Variants in SYNE2 observed in about 807,000 individuals in gnomAD.
SYNE2 encodes the protein nesprin-2.
Under a neutral mutation model 856.3 loss-of-function variants are expected in SYNE2, and 431 were observed. The observed-to-expected ratio is 0.50, with a 90% CI of 0.47 to 0.55. SYNE2 has a LOEUF of 0.55. SYNE2 is among the 20% of genes least tolerant of loss of function. The probability of loss-of-function intolerance (pLI) is 0.00; values close to 1 mark genes in which losing one functional copy is unlikely to be tolerated. For synonymous variants in SYNE2, 2,923 were observed against 2,872.3 expected (o/e 1.02, Z -0.56); for missense variants, 8,129 against 8,023.2 (o/e 1.01, Z -0.50).
intron 49 of SYNE2, among the ~76,000 whole-genome samples, chr14:64,059,160 C>T (rs1400899879): frequency 6.6e-6 from 1 of 152,062 alleles, no homozygotes; most frequent in Non-Finnish European, 1.5e-5. Flanking sequence ...GAAATTGGTT[C>T]CTGGTGACTT....
chr14:64,203,454 C>G (rs2140005311), intron 100 of SYNE2, among the ~76,000 whole-genome samples: 1 of 152,306 alleles, frequency 6.6e-6, no homozygotes, highest in Non-Finnish European at 1.5e-5. Flanking sequence ...ATGCTCTGTG[C>G]ATTTTTGTTA....
chr14:63,928,206 G>A (rs1016461636), intron 2 of SYNE2, among the ~76,000 whole-genome samples: 10 of 152,216 alleles, frequency 6.6e-5, no homozygotes, highest in African/African-American at 2.4e-4. Context: ...TCCAACCCAT[G>A]TGATGGGAAC....
At chr14:63,827,192 C>T (rs1461196264) in intron 1 of SYNE2, among the ~76,000 whole-genome samples, 1 of 150,906 alleles carries the variant, frequency 6.6e-6, no homozygotes, top group African/African-American at 2.4e-5. Context: ...ACAGGAGAAT[C>T]ACTTGAACCC....
chr14:63,844,748 T>C, intron 1 of SYNE2, among the ~76,000 whole-genome samples: 1 of 152,206 alleles, frequency 6.6e-6, no homozygotes, highest in East Asian at 1.9e-4. Context: ...GTTTTTCTTA[T>C]TTTAAAATGG....
intron 34 of SYNE2, among the ~76,000 whole-genome samples, chr14:64,018,386 G>A (rs942219814): frequency 6.6e-6 from 1 of 152,048 alleles, no homozygotes; most frequent in Non-Finnish European, 1.5e-5. Context: ...GATTACAGGC[G>A]CACACCACCA....
intron 1 of SYNE2, among the ~76,000 whole-genome samples, chr14:63,834,469 T>C (rs2139906107): frequency 1.3e-5 from 2 of 152,222 alleles, no homozygotes; most frequent in Admixed American, 1.3e-4. Flanking sequence ...ACTCTGATAA[T>C]AACAACACAA....
chr14:63,923,495 C>A (rs933748330), intron 2 of SYNE2, among the ~76,000 whole-genome samples: 1 of 152,196 alleles, frequency 6.6e-6, no homozygotes, highest in African/African-American at 2.4e-5. Context: ...CCTTCCCTAG[C>A]CATTTAATCA....
chr14:64,055,136 A>G (rs2097258573), intron 48 of SYNE2, among the ~76,000 whole-genome samples: 1 of 152,342 alleles, frequency 6.6e-6, no homozygotes, highest in South Asian at 2.1e-4. Flanking sequence ...TACCTAAACT[A>G]AAGTTAGTGC....
Position 64,190,167 on chromosome 14 carries a change from G to A in SYNE2, c.17968G>A (p.Ala5990Thr). The change falls in exon 99 of 116, where the codon GCT becomes ACT. Residue 5990 changes from alanine (A) to threonine (T), a missense_variant. Physicochemically the swap from Ala to Thr is moderately conservative, Grantham distance 58 (BLOSUM62 0). Around this residue, in one of 3 missense-constraint regions of SYNE2, gnomAD observed 5,410 missense variants for 5,284.8 expected, o/e 1.02. Transcript: ENST00000555002. ...CAAGGCCAGCAACAAATCAAGAGCAGCTGAGATCGATGACAAGCTCAACAA... is the reference window on the plus strand; with the variant it reads ...CAAGGCCAGCAACAAATCAAGAGCAACTGAGATCGATGACAAGCTCAACAA... ...LIKASNKSRA[A>T]EIDDKLNKIN... 6.2e-7 allele frequency: 1 copy of A among 1,614,160 alleles called. No homozygotes were observed. Among genetic ancestry groups the A allele is most frequent in the Non-Finnish European group, 8.5e-7 (1 of 1,180,032 alleles).
At chr14:64,167,757 C>A (rs1430908030) in intron 92 of SYNE2, 118 bp downstream of exon 92, 20 of 1,368,992 alleles carry the variant, frequency 1.5e-5, no homozygotes, top group Non-Finnish European at 1.8e-5. Context: ...AGAATGTATA[C>A]CTTTAAGCAA....
chr14:63,793,761 G>C (rs750195535), intron 1 of SYNE2, among the ~76,000 whole-genome samples: 10 of 148,102 alleles, frequency 6.8e-5, no homozygotes, highest in East Asian at 2.1e-4. Flanking sequence ...ACAAAATGAG[G>C]CCCCCCCCCA....
At chr14:63,939,347 CT>C (rs1056199146) in intron 2 of SYNE2, among the ~76,000 whole-genome samples, 3,465 of 115,144 alleles carry the variant, frequency 0.03, 89 homozygotes, top group African/African-American at 0.11. Flanking sequence ...TTTTTTTTTT[CT>C]TTTTTTTTTT....
intron 15 of SYNE2, 115 bp downstream of exon 15, chr14:63,980,847 G>A: frequency 9.2e-7 from 1 of 1,090,088 alleles, no homozygotes; most frequent in Non-Finnish European, 1.3e-6. Context: ...TGTTTTCCTG[G>A]GAAAATTCTT....
At chr14:64,109,145 T>G (rs181093541) in intron 65 of SYNE2, among the ~76,000 whole-genome samples, 44 of 152,084 alleles carry the variant, frequency 2.9e-4, no homozygotes, top group African/African-American at 9.9e-4. Context: ...TTTTGACATC[T>G]AATTAAAAAT....
chr14:63,977,009 A>G (rs2096548743), intron 12 of SYNE2, among the ~76,000 whole-genome samples: 1 of 150,072 alleles, frequency 6.7e-6, no homozygotes, highest in African/African-American at 2.4e-5. Flanking sequence ...AAGGGGTGGG[A>G]GGGTGGAGAA....
intron 2 of SYNE2, among the ~76,000 whole-genome samples, chr14:63,916,973 C>T (rs1198603539): frequency 6.6e-5 from 10 of 152,018 alleles, no homozygotes; most frequent in Non-Finnish European, 1.5e-5. Context: ...CCCTGTACGT[C>T]CAGCTGCTTG....
intron 31 of SYNE2, among the ~76,000 whole-genome samples, chr14:64,009,162 A>C (rs2096823839): frequency 2.0e-5 from 3 of 152,156 alleles, no homozygotes; most frequent in Non-Finnish European, 4.4e-5. Flanking sequence ...ATGTAGTAGA[A>C]ACCAGGTGTC....
intron 1 of SYNE2, among the ~76,000 whole-genome samples, chr14:63,847,629 A>G (rs1248798225): frequency 1.4e-5 from 2 of 139,438 alleles, no homozygotes; most frequent in Non-Finnish European, 3.0e-5. Flanking sequence ...TCTGTCGCCC[A>G]GGCTGGAGTG....
intron 8 of SYNE2, among the ~76,000 whole-genome samples, chr14:63,958,836 C>T (rs923765028): frequency 3.3e-5 from 5 of 152,176 alleles, no homozygotes; most frequent in Non-Finnish European, 5.9e-5. Context: ...ATTTTACACT[C>T]TTAGTTGTAA....
Sources: gnomAD v4.1 joint callset for allele counts (sites outside exome capture counted in the v4.1 genomes callset) on GRCh38, gnomAD v4.1.1 for gene constraint, gnomAD v4.1.1 regional missense constraint, MANE v1.5 for transcripts, NCBI Gene and HGNC (gene_info 2026-07-23, HGNC 2026-07-21) for gene names.